Variants in CACNA1S observed in about 807,000 individuals in gnomAD.
CACNA1S encodes voltage-dependent L-type calcium channel subunit alpha-1S.
In CACNA1S, 126 loss-of-function variants were observed where a neutral mutation model predicts 207.4. The ratio of observed to expected loss-of-function variants is 0.61; its 90% CI spans 0.53 to 0.70. The LOEUF (loss-of-function observed/expected upper bound fraction) is 0.70, where lower values mean the gene tolerates loss of function less well. Among genes scored for constraint, CACNA1S ranks in the 30% least tolerant of loss-of-function variants. The pLI is 0.00. For missense variants in CACNA1S, 2,349 were observed against 2,422.8 expected (o/e 0.97, Z 0.64); for synonymous variants, 960 against 932.7 (o/e 1.03, Z -0.53).
At chr1:201,043,581 T>C in intron 39 of CACNA1S, 50 bp from the exon 40 acceptor site, 3 of 1,556,506 alleles carry the variant, frequency 1.9e-6, no homozygotes, top group Non-Finnish European at 2.7e-6. Flanking sequence ...AGGGAGGGCA[T>C]GGGGGGCTGT....
chr1:201,071,996 T>C (rs1272064914), intron 16 of CACNA1S, among the ~76,000 whole-genome samples: 1 of 152,162 alleles, frequency 6.6e-6, no homozygotes, highest in Non-Finnish European at 1.5e-5. Context: ...GCTGATTCCA[T>C]AAGTAGACAT....
Position 201,039,607 on chromosome 1 carries a change from G to A in CACNA1S, c.*224C>T. 1.6e-6 allele frequency: 1 copy of A among 615,834 alleles called. No individual in the cohort carries two copies. The highest frequency in any genetic ancestry group is 2.9e-6 in the Non-Finnish European group (1 of 349,204). The allele number at this position is 615,834 out of a possible 1,614,324, so 38.1% of individuals were successfully genotyped here. On this transcript the variant is annotated 3_prime_UTR_variant, in exon 44 of 44. Transcript: ENST00000362061. ...GACCAGGCCTTTTTGAATGACATTAGAAGCTCCATCCAATCATGCCTCTTG... is the reference window on the plus strand; with the variant it reads ...GACCAGGCCTTTTTGAATGACATTAAAAGCTCCATCCAATCATGCCTCTTG...
In CACNA1S at chr1:201,074,713, C is replaced by A. The variant is rs1316056484; in HGVS notation, c.1949-93G>T. 5.6e-6 allele frequency: 4 copies of A among 719,906 alleles called. No individual in the cohort carries two copies. The East Asian group carries it at 1.2e-4, about 22-fold the overall frequency. 44.6% of individuals were successfully genotyped at this position (719,906 alleles called of 1,614,324 possible). Reference sequence around the variant, plus strand: ...CTGCCTGCATGTGGGCAGGACCTAACCCCACTCTCCCAGAGCTACCCATGG... The same window carrying A: ...CTGCCTGCATGTGGGCAGGACCTAAACCCACTCTCCCAGAGCTACCCATGG... On this transcript the variant is annotated intron_variant, in intron 13 of 43. Transcript: ENST00000362061.
chr1:201,050,269 TA>T (rs1189583896), intron 34 of CACNA1S, 119 bp downstream of exon 34: 12 of 1,099,794 alleles, frequency 1.1e-5, no homozygotes, highest in African/African-American at 1.5e-5. Flanking sequence ...AGACCTCAGA[TA>T]AATGAAGGGG....
chr1:201,043,882 G>A (rs1660384190), intron 39 of CACNA1S, among the ~76,000 whole-genome samples: 1 of 152,094 alleles, frequency 6.6e-6, no homozygotes, highest in African/African-American at 2.4e-5. Flanking sequence ...CATCTCACAT[G>A]ATCTCTGTGG....
At chr1:201,068,297 C>T (rs1444907225) in intron 19 of CACNA1S, among the ~76,000 whole-genome samples, 3 of 121,048 alleles carry the variant, frequency 2.5e-5, no homozygotes, top group South Asian at 2.8e-4. Context: ...GGCTGGAGTG[C>T]AGTGGCATGA....
chr1:201,099,626 C>G (rs116692779), intron 2 of CACNA1S, among the ~76,000 whole-genome samples: 1 of 152,204 alleles, frequency 6.6e-6, no homozygotes, highest in Non-Finnish European at 1.5e-5. Context: ...GCCCAGGGTG[C>G]TTGCAGGGAG....
In CACNA1S at chr1:201,052,608, T is replaced by A; in HGVS notation, c.3902A>T (p.Asn1301Ile). ...GAAGGTCTGGAAGTTGTTGTTCCGG[T>A]TTATTTGGGTCCCATCCACCAAGGC... is the stretch of plus-strand genomic sequence containing the variant. ...KIALVDGTQINRNNNFQTFPQ... is the reference protein window; with the variant it reads ...KIALVDGTQIIRNNNFQTFPQ... Residue 1301 changes from asparagine to isoleucine, a missense_variant, in exon 32 of 44, where the codon AAC becomes ATC. By Grantham distance (149) the Asn-to-Ile change is moderately radical. Transcript: ENST00000362061. 6.2e-7 allele frequency: 1 copy of A among 1,613,910 alleles called. No homozygotes were observed. Among genetic ancestry groups the A allele is most frequent in the East Asian group, 2.2e-5 (1 of 44,822 alleles).
intron 10 of CACNA1S, among the ~76,000 whole-genome samples, chr1:201,082,260 C>T (rs10920113): frequency 0.24 from 36,085 of 152,010 alleles, 5,798 homozygotes; most frequent in Non-Finnish European, 0.37. Flanking sequence ...ATCTCTTGAC[C>T]TTGTGATCCA....
intron 2 of CACNA1S, among the ~76,000 whole-genome samples, chr1:201,095,792 C>T (rs905861546): frequency 6.6e-6 from 1 of 152,156 alleles, no homozygotes; most frequent in African/African-American, 2.4e-5. Flanking sequence ...GCAGCTGCTC[C>T]AAGGAGGAGA....
At chr1:201,074,367 A>C (rs1433572164) in intron 14 of CACNA1S, 139 bp downstream of exon 14, 3 of 700,586 alleles carry the variant, frequency 4.3e-6, no homozygotes, top group African/African-American at 3.5e-5. Flanking sequence ...TGTGCAGGTT[A>C]CAGAAGTTTG....
intron 13 of CACNA1S, 41 bp downstream of exon 13, chr1:201,075,454 C>CCCCCCAAACTCTTT: frequency 1.3e-6 from 2 of 1,594,312 alleles, no homozygotes; most frequent in Admixed American, 3.3e-5. Context: ...CCCCCACCCC[C>CCCCCCAAACTCTTT]TCCCTAAGCT....
Position 201,040,321 on chromosome 1 carries a change from C to T in CACNA1S, c.5280G>A (p.Gly1760=), listed in dbSNP as rs1401042445. ...MPEDRKSSTP[G]SLHEETPHSR... ...TGTGGGGTGTCTCCTCATGAAGAGA[C>T]CCTGGTGTGGAGCTCTTTCTGTCCT... Residue 1760 remains glycine (G), a synonymous_variant, in exon 43 of 44, where the codon GGG becomes GGA. Coordinates refer to ENST00000362061, the MANE Select transcript of CACNA1S (RefSeq NM_000069.3). 6.2e-7 allele frequency: 1 copy of T among 1,613,802 alleles called. No individual in the cohort carries two copies. The highest frequency in any genetic ancestry group is 8.5e-7 in the Non-Finnish European group (1 of 1,179,868).
intron 2 of CACNA1S, among the ~76,000 whole-genome samples, chr1:201,101,716 G>T (rs1269014205): frequency 6.6e-6 from 1 of 152,238 alleles, no homozygotes; most frequent in Non-Finnish European, 1.5e-5. Context: ...AGGGGGATCT[G>T]GGCAGGCTGC....
intron 11 of CACNA1S, among the ~76,000 whole-genome samples, chr1:201,077,373 C>T (rs113258829): frequency 4.9e-4 from 74 of 152,332 alleles, no homozygotes; most frequent in African/African-American, 1.7e-3. Flanking sequence ...CATCACTGGA[C>T]GAGAAACCCC....
chr1:201,064,903 T>C (rs1661187977), intron 22 of CACNA1S, among the ~76,000 whole-genome samples: 1 of 152,160 alleles, frequency 6.6e-6, no homozygotes, highest in South Asian at 2.1e-4. Flanking sequence ...ATGCCAGACA[T>C]ACCAGCCAGG....
In CACNA1S at chr1:201,053,211, G is replaced by A; in HGVS notation, c.3859C>T (p.Gln1287Ter). Reference protein sequence around the residue: ...LFFIYAVIGMQMFGKIALVDG... With the variant: ...LFFIYAVIGM Reference sequence around the variant, plus strand: ...GCCTGGGCCCGCCTGCCTCTCACCTGCATGCCGATGACAGCGTAGATGAAG... The same window carrying A: ...GCCTGGGCCCGCCTGCCTCTCACCTACATGCCGATGACAGCGTAGATGAAG... Residue 1287 changes from glutamine to a stop codon, truncating the protein, a stop_gained and splice_region_variant, in exon 31 of 44, where the codon CAG becomes TAG. Coordinates refer to ENST00000362061, the MANE Select transcript of CACNA1S (RefSeq NM_000069.3). LOFTEE classifies it high-confidence loss of function. This position sits in a 1 kb window ranked among gnomAD's most constrained non-coding sequence, Gnocchi z 5.1. The A allele has an allele frequency of 3.1e-6, 5 of 1,614,228 alleles. No homozygotes were observed. The highest frequency in any genetic ancestry group is 4.2e-6 in the Non-Finnish European group (5 of 1,180,038).
Position 201,061,458 on chromosome 1 carries a change from T to C in CACNA1S, c.3064A>G (p.Lys1022Glu), listed in dbSNP as rs1359289048. The change falls in exon 25 of 44, where the codon AAG becomes GAG. Residue 1022 changes from lysine to glutamate, a missense_variant. By Grantham distance (56) the Lys-to-Glu change is moderately conservative (BLOSUM62 1). Transcript: ENST00000362061. ...TCCTCCGCATTGGAGTCTATGGCCT[T>C]GTACAGCAGCCTGGGGGTGGGCAGA... ...TFEGWPQLLY[K>E]AIDSNAEDVG... The C allele has an allele frequency of 1.9e-6, 3 of 1,613,882 alleles. No individual in the cohort carries two copies. The highest frequency in any genetic ancestry group is 1.7e-6 in the Non-Finnish European group (2 of 1,179,884).
In CACNA1S at chr1:201,043,405, C is replaced by G. The variant is rs148724065; in HGVS notation, c.4924G>C (p.Val1642Leu). Reference sequence around the variant, plus strand: ...TCTTGTGGGAAGTCCTCCAAGAAGACAGGTGACTCCATCTCTTCCATCTCT... The same window carrying G: ...TCTTGTGGGAAGTCCTCCAAGAAGAGAGGTGACTCCATCTCTTCCATCTCT... ...EIEMEEMESP[V>L]FLEDFPQDPR... The change falls in exon 40 of 44, where the codon GTC (valine) becomes CTC (leucine). Residue 1642 changes from valine (V) to leucine (L), a missense_variant. Coordinates refer to ENST00000362061, the MANE Select transcript of CACNA1S (RefSeq NM_000069.3). 1.2e-6 allele frequency: 2 copies of G among 1,614,040 alleles called. No individual in the cohort carries two copies. The highest frequency in any genetic ancestry group is 1.7e-6 in the Non-Finnish European group (2 of 1,180,038).
Sources: allele counts gnomAD v4.1 joint callset (sites outside exome capture counted in the v4.1 genomes callset), GRCh38; gene constraint gnomAD v4.1.1; non-coding constraint Gnocchi (gnomAD v3.1); transcripts MANE v1.5; gene names NCBI Gene and HGNC (gene_info 2026-07-23, HGNC 2026-07-21).